The following NCALD variants were observed in gnomAD, a reference collection of about 807,000 sequenced individuals.
NCALD encodes neurocalcin-delta.
In NCALD, 10 loss-of-function variants were observed where a neutral mutation model predicts 18.6. The observed-to-expected ratio is 0.54, with a 90% confidence interval of 0.33 to 0.91. The LOEUF (loss-of-function observed/expected upper bound fraction) is 0.91. NCALD is among the 40% of genes least tolerant of loss of function. The pLI, the probability that NCALD is intolerant of heterozygous loss-of-function variation, is 0.03. For synonymous variants in NCALD, 88 were observed against 87.4 expected (o/e 1.01, Z -0.04); for missense variants, 184 against 247.6 (o/e 0.74, Z 1.72).
chr8:101,806,467 CAAT>C (rs1326142711), intron 4 of NCALD, among the ~76,000 whole-genome samples: 6 of 151,930 alleles, frequency 3.9e-5, no homozygotes, highest in Admixed American at 6.6e-5. Flanking sequence ...AAAGAGGCTA[CAAT>C]GACAATGCCT....
chr8:102,033,523 G>A (rs2132147537), intron 1 of NCALD, among the ~76,000 whole-genome samples: 1 of 152,224 alleles, frequency 6.6e-6, no homozygotes, highest in African/African-American at 2.4e-5. Context: ...CTGGTTTAAA[G>A]TTATTCATTT....
At chr8:102,080,812 C>A (rs957104498) in intron 1 of NCALD, among the ~76,000 whole-genome samples, 2 of 152,234 alleles carry the variant, frequency 1.3e-5, no homozygotes, top group Non-Finnish European at 2.9e-5. Flanking sequence ...GACCAGTGGG[C>A]TCTGAGGCTC....
intron 1 of NCALD, among the ~76,000 whole-genome samples, chr8:102,054,182 T>C (rs1311464286): frequency 1.3e-5 from 2 of 152,156 alleles, no homozygotes; most frequent in Non-Finnish European, 2.9e-5. Context: ...TGCAAGCCAT[T>C]GTCTCAGGGG....
intron 1 of NCALD, among the ~76,000 whole-genome samples, chr8:101,749,538 T>A (rs1331224704): frequency 2.6e-5 from 4 of 152,184 alleles, no homozygotes; most frequent in African/African-American, 9.7e-5. Flanking sequence ...AGGCTAGCTA[T>A]ATATACTCTT....
rs1823433695 is a variant in NCALD, at chr8:102,050,904, TTA to T, written c.-209-30617_-209-30616del. Among the ~76,000 whole-genome samples the T allele has an allele frequency of 3.4e-5, 5 of 147,138 alleles. No individual in the cohort carries two copies. The East Asian group carries it at 5.8e-4, about 17-fold the overall frequency. ...AATTGATTATTAATTTAATTTAATT[TTA>T]TATATAAGTATATAATTTATATATA... is the stretch of plus-strand genomic sequence containing the variant. On this transcript the variant is annotated intron_variant, in intron 1 of 6. Coordinates refer to the NCALD transcript ENST00000311028.
At chr8:101,822,542 G>A (rs1198254755) in intron 4 of NCALD, among the ~76,000 whole-genome samples, 10 of 152,174 alleles carry the variant, frequency 6.6e-5, no homozygotes, top group South Asian at 2.1e-4. Flanking sequence ...AGGGCGAAGA[G>A]GGAGAAACCA....
chr8:101,930,382 T>C (rs1483816280), intron 2 of NCALD, among the ~76,000 whole-genome samples: 1 of 151,972 alleles, frequency 6.6e-6, no homozygotes, highest in African/African-American at 2.4e-5. Context: ...AGGGTAAGGG[T>C]AAGTCCTACA....
chr8:101,843,582 G>GTTTTTTGTTT (rs1554644301), intron 4 of NCALD, among the ~76,000 whole-genome samples: 14 of 125,136 alleles, frequency 1.1e-4, no homozygotes, highest in African/African-American at 3.6e-4. Context: ...TTTAAAAATT[G>GTTTTTTGTTT]TTTTTTTTTT....
intron 2 of NCALD, chr8:101,950,406 T>C (rs978143481): frequency 1.9e-4 from 29 of 152,358 alleles, no homozygotes; most frequent in Middle Eastern, 3.4e-3. Context: ...TGAAATTTTG[T>C]TGGGACCAAA....
At chr8:102,070,697 T>G (rs961598983) in intron 1 of NCALD, among the ~76,000 whole-genome samples, 2 of 152,204 alleles carry the variant, frequency 1.3e-5, no homozygotes, top group Non-Finnish European at 2.9e-5. Flanking sequence ...AAATAACTAC[T>G]GCAACCAAAT....
At chr8:101,884,035 T>C (rs1816585329) in intron 4 of NCALD, among the ~76,000 whole-genome samples, 1 of 152,252 alleles carries the variant, frequency 6.6e-6, no homozygotes, top group South Asian at 2.1e-4. Flanking sequence ...ATGATCTGGC[T>C]CCTGCCACCC....
intron 1 of NCALD, among the ~76,000 whole-genome samples, chr8:102,031,454 G>A (rs1822666792): frequency 6.6e-6 from 1 of 152,182 alleles, no homozygotes; most frequent in Admixed American, 6.5e-5. Context: ...TCACACAGAA[G>A]AGACTTCTAG....
chr8:101,988,597 A>T (rs1586878738), intron 2 of NCALD, among the ~76,000 whole-genome samples: 1 of 152,196 alleles, frequency 6.6e-6, no homozygotes, highest in Non-Finnish European at 1.5e-5. Flanking sequence ...GACTAAACAT[A>T]TAAGTGCTGT....
chr8:101,988,141 C>A (rs1820889936), intron 2 of NCALD, among the ~76,000 whole-genome samples: 1 of 115,928 alleles, frequency 8.6e-6, no homozygotes, highest in Non-Finnish European at 1.6e-5. Context: ...GGCGAAACAG[C>A]GAGACTCCGT....
At chr8:101,845,413 T>C (rs1460889213) in intron 4 of NCALD, among the ~76,000 whole-genome samples, 1 of 152,230 alleles carries the variant, frequency 6.6e-6, no homozygotes, top group East Asian at 1.9e-4. Context: ...GAGTTCATTA[T>C]GGGTTACTTG....
At chr8:102,082,789 A>G (rs1824594730) in intron 1 of NCALD, among the ~76,000 whole-genome samples, 1 of 152,196 alleles carries the variant, frequency 6.6e-6, no homozygotes, top group Admixed American at 6.5e-5. Context: ...CCTGGCCGTA[A>G]GAGGCTGAGC....
chr8:101,887,972 A>G (rs1359617368), intron 3 of NCALD, among the ~76,000 whole-genome samples: 1 of 152,198 alleles, frequency 6.6e-6, no homozygotes, highest in Non-Finnish European at 1.5e-5. Flanking sequence ...CGCAATAAAA[A>G]TGGCTGTAGC....
At chr8:101,727,336 C>G (rs80256383) in intron 1 of NCALD, among the ~76,000 whole-genome samples, 2,497 of 152,312 alleles carry the variant, frequency 0.016, 63 homozygotes, top group African/African-American at 0.057. Context: ...AAACTATTAT[C>G]TCCTACCTGA....
intron 1 of NCALD, among the ~76,000 whole-genome samples, chr8:101,764,976 C>T (rs1458311685): frequency 1.3e-5 from 2 of 152,166 alleles, no homozygotes. Flanking sequence ...GAGCCTGCCT[C>T]CTGCGGCAAG....
Sources: allele counts gnomAD v4.1 joint callset (sites outside exome capture counted in the v4.1 genomes callset), GRCh38; gene constraint gnomAD v4.1.1; transcripts MANE v1.5; gene names NCBI Gene and HGNC (gene_info 2026-07-23, HGNC 2026-07-21).